Variants in EGFL6 observed in about 807,000 individuals in gnomAD.
EGFL6 encodes the protein epidermal growth factor-like protein 6.
EGFL6 carries 42 observed loss-of-function variants against 43.1 expected under a neutral mutation model. The observed-to-expected ratio is 0.98, with a 90% confidence interval of 0.76 to 1.26. The LOEUF (loss-of-function observed/expected upper bound fraction) is 1.26, where lower values mean the gene tolerates loss of function less well. Among genes scored for constraint, EGFL6 ranks in the 50% most tolerant of loss-of-function variants. The pLI is 0.00. For missense variants in EGFL6, 429 were observed against 427.8 expected (o/e 1.00, Z -0.02); for synonymous variants, 164 against 163.2 (o/e 1.01, Z -0.04).
chrX:13,575,713 G>T (rs780868382), intron 1 of EGFL6, among the ~76,000 whole-genome samples: 127 of 112,652 alleles, frequency 1.1e-3, no homozygotes, highest in African/African-American at 3.7e-3. Flanking sequence ...ATTTTCAGTT[G>T]AATGCAAATT....
At chrX:13,589,445 T>G (rs1467697719) in intron 1 of EGFL6, 111 bp from the exon 2 acceptor site, 2 of 587,871 alleles carry the variant, frequency 3.4e-6, no homozygotes, top group Admixed American at 4.4e-5. Context: ...TTACTGCGGG[T>G]TCGTTGAAAT....
At chrX:13,597,563 C>T (rs776937181) in intron 3 of EGFL6, among the ~76,000 whole-genome samples, 7 of 111,733 alleles carry the variant, frequency 6.3e-5, no homozygotes, top group Admixed American at 1.9e-4. Context: ...GTGGGTGGAT[C>T]ACTTGAGGTC....
intron 2 of EGFL6, among the ~76,000 whole-genome samples, chrX:13,591,726 C>A (rs371341663): frequency 9.0e-6 from 1 of 111,072 alleles, no homozygotes; most frequent in Non-Finnish European, 1.9e-5. Flanking sequence ...TCCCCTCTGT[C>A]CATCTATTTG....
At chrX:13,625,301 A>G (rs1163196845) in intron 10 of EGFL6, 1 of 111,472 alleles carries the variant, frequency 9.0e-6, no homozygotes, top group African/African-American at 3.3e-5. Flanking sequence ...AAACATGGCC[A>G]AGGCGGGAGG....
chrX:13,622,335 G>A (rs1300096829), intron 9 of EGFL6, among the ~76,000 whole-genome samples: 1 of 112,161 alleles, frequency 8.9e-6, no homozygotes, highest in African/African-American at 3.2e-5. Context: ...AGCAGAACTT[G>A]AGCCTTAGTT....
In EGFL6 at chrX:13,617,874, C is replaced by T; in HGVS notation, c.923C>T (p.Thr308Ile). 2 of 1,211,336 alleles carry T rather than the reference C, an allele frequency of 1.7e-6. No homozygotes were observed. Among genetic ancestry groups the T allele is most frequent in the South Asian group, 1.8e-5 (1 of 56,949 alleles). ...NVTPEPTRTPTPKVNLQPFNY... is the reference protein window; with the variant it reads ...NVTPEPTRTPIPKVNLQPFNY... The stretch of plus-strand genomic sequence containing the variant: ...ACCCCAGAACCCACCAGGACTCCTA[C>T]CCCTAAGGTGAACTTGCAGCCCTTC... The change falls in exon 8 of 12, where the codon ACC becomes ATC. Residue 308 changes from threonine to isoleucine, a missense_variant. Transcript: ENST00000361306.
At chrX:13,632,960 T>A in intron 11 of EGFL6, 25 bp from the exon 12 acceptor site, 2 of 1,186,013 alleles carry the variant, frequency 1.7e-6, no homozygotes, top group South Asian at 3.6e-5. Context: ...TTGGAGTAAT[T>A]TTTTTATTCT....
intron 1 of EGFL6, among the ~76,000 whole-genome samples, chrX:13,578,607 T>G (rs1302469790): frequency 2.7e-5 from 3 of 110,692 alleles, no homozygotes; most frequent in Non-Finnish European, 3.8e-5. Context: ...CCATAAAAAA[T>G]GATGAGTTCA....
At chrX:13,583,121 T>C (rs774911984) in intron 1 of EGFL6, among the ~76,000 whole-genome samples, 2 of 109,835 alleles carry the variant, frequency 1.8e-5, no homozygotes, top group East Asian at 5.7e-4. Flanking sequence ...TCCCTGCGCC[T>C]TCTCTATCCC....
chrX:13,612,720 C>T (rs1038335662), intron 7 of EGFL6, among the ~76,000 whole-genome samples: 5 of 111,697 alleles, frequency 4.5e-5, no homozygotes, highest in Non-Finnish European at 9.4e-5. Context: ...CCAAAATCCA[C>T]GCTTATGTAC....
chrX:13,598,401 T>C (rs1416330387), intron 3 of EGFL6, among the ~76,000 whole-genome samples: 1 of 111,704 alleles, frequency 9.0e-6, no homozygotes, highest in Non-Finnish European at 1.9e-5. Context: ...AATTTGTTTG[T>C]TTTTTTCCTC....
At chrX:13,631,069 A>T (rs763004675) in intron 11 of EGFL6, among the ~76,000 whole-genome samples, 2 of 112,752 alleles carry the variant, frequency 1.8e-5, no homozygotes, top group African/African-American at 6.4e-5. Flanking sequence ...TTGCACATGA[A>T]TGTATATTTT....
chrX:13,600,008 G>A lies in EGFL6; in HGVS notation c.314G>A (p.Cys105Tyr). 1 of 1,210,351 alleles carries A rather than the reference G, an allele frequency of 8.3e-7. No individual in the cohort carries two copies. The highest frequency in any genetic ancestry group is 1.8e-5 in the South Asian group (1 of 56,966). Residue 105 changes from cysteine to tyrosine, a missense_variant, in exon 4 of 12, where the codon TGC becomes TAC. Cys to Tyr is a radical substitution (Grantham distance 194). Coordinates refer to ENST00000361306, the MANE Select transcript of EGFL6 (RefSeq NM_015507.4). ...GAGTGTGGAATGAAACCCCGGCCATGCCAACACAGATGTGTGAATACACAC... is the reference window on the plus strand; with the variant it reads ...GAGTGTGGAATGAAACCCCGGCCATACCAACACAGATGTGTGAATACACAC... ...VNECGMKPRP[C>Y]QHRCVNTHGS...
chrX:13,608,094 T>G (rs921759447), intron 6 of EGFL6, among the ~76,000 whole-genome samples: 2 of 111,937 alleles, frequency 1.8e-5, no homozygotes, highest in Non-Finnish European at 3.8e-5. Flanking sequence ...AGCAGGAGAT[T>G]AAATTGCTGT....
rs773301882 is a variant in EGFL6 at position 13,608,486 on chromosome X, T to C, written c.778+40T>C. 1.9e-5 allele frequency: 22 copies of C among 1,189,033 alleles called. No homozygotes were observed. In the South Asian group the frequency reaches 3.0e-4, roughly 16 times the overall value. Reference sequence around the variant, plus strand: ...GTCATGGTGTCTTAGCTATTCCCAATGAAGCATTCTCCCCATATCTCCTTC... The same window carrying C: ...GTCATGGTGTCTTAGCTATTCCCAACGAAGCATTCTCCCCATATCTCCTTC... On this transcript the variant is annotated intron_variant, in intron 7 of 11. Transcript: ENST00000361306.
intron 1 of EGFL6, among the ~76,000 whole-genome samples, chrX:13,570,206 G>A (rs1365217829): frequency 9.0e-6 from 1 of 111,400 alleles, no homozygotes; most frequent in Non-Finnish European, 1.9e-5. Context: ...CAGGAGGAGG[G>A]AGGCTCTGCA....
chrX:13,624,396 A>G (rs893147688), intron 10 of EGFL6, among the ~76,000 whole-genome samples: 2 of 111,907 alleles, frequency 1.8e-5, no homozygotes, highest in African/African-American at 3.3e-5. Flanking sequence ...CATGAAAACC[A>G]TAATGAACAT....
At chrX:13,601,078 T>C (rs1220286415) in intron 4 of EGFL6, among the ~76,000 whole-genome samples, 1 of 111,294 alleles carries the variant, frequency 9.0e-6, no homozygotes, top group Non-Finnish European at 1.9e-5. Flanking sequence ...AAATTAATTA[T>C]ATATCTATAT....
At chrX:13,620,338 C>T (rs1052752782) in intron 9 of EGFL6, among the ~76,000 whole-genome samples, 2 of 111,003 alleles carry the variant, frequency 1.8e-5, no homozygotes, top group Non-Finnish European at 3.8e-5. Flanking sequence ...TACCACTATA[C>T]ATGTGGTAAG....
Sources: gnomAD v4.1 joint callset for allele counts (sites outside exome capture counted in the v4.1 genomes callset) on GRCh38, gnomAD v4.1.1 for gene constraint, MANE v1.5 for transcripts, NCBI Gene and HGNC (gene_info 2026-07-23, HGNC 2026-07-21) for gene names.